Variants in KIAA1549L observed in about 807,000 individuals in gnomAD.
The protein encoded by KIAA1549L is KIAA1549 like.
A neutral mutation model predicts 160.7 loss-of-function variants in KIAA1549L; 88 were observed. The observed-to-expected ratio is 0.55, with a 90% confidence interval of 0.46 to 0.65. The LOEUF (loss-of-function observed/expected upper bound fraction) is 0.65. Among genes scored for constraint, KIAA1549L ranks in the 30% least tolerant of loss-of-function variants. The pLI is 0.00. For synonymous variants in KIAA1549L, 950 were observed against 976.7 expected (o/e 0.97, Z 0.51); for missense variants, 2,258 against 2,437.5 (o/e 0.93, Z 1.55).
intron 9 of KIAA1549L, among the ~76,000 whole-genome samples, chr11:33,573,947 T>C (rs1855358449): frequency 6.6e-6 from 1 of 152,184 alleles, no homozygotes; most frequent in African/African-American, 2.4e-5. Flanking sequence ...AAATAAACGT[T>C]TATGCTTTTG....
chr11:33,570,647 G>A (rs1855223042), intron 9 of KIAA1549L, among the ~76,000 whole-genome samples: 2 of 152,084 alleles, frequency 1.3e-5, no homozygotes, highest in Admixed American at 1.3e-4. Context: ...CTTTCTTCTA[G>A]GCTTAGATCA....
At chr11:33,418,885 C>CTTTT (rs60307209) in intron 1 of KIAA1549L, among the ~76,000 whole-genome samples, 3 of 139,598 alleles carry the variant, frequency 2.1e-5, no homozygotes, top group South Asian at 2.3e-4. Flanking sequence ...GCATTCCTAG[C>CTTTT]TTTTTTTTTT....
chr11:33,576,526 C>T (rs1855452508), intron 10 of KIAA1549L, among the ~76,000 whole-genome samples: 1 of 152,178 alleles, frequency 6.6e-6, no homozygotes, highest in Non-Finnish European at 1.5e-5. Flanking sequence ...TTTCTGTTCT[C>T]AGCTCTTTCT....
intron 11 of KIAA1549L, among the ~76,000 whole-genome samples, chr11:33,586,939 C>T (rs908855142): frequency 1.3e-5 from 2 of 152,142 alleles, no homozygotes; most frequent in Non-Finnish European, 2.9e-5. Context: ...TGAAACTGAG[C>T]CCCTTGAGGG....
intron 1 of KIAA1549L, among the ~76,000 whole-genome samples, chr11:33,389,611 G>A (rs968788054): frequency 1.5e-4 from 23 of 152,198 alleles, no homozygotes; most frequent in African/African-American, 4.6e-4. Flanking sequence ...TACGGAAACT[G>A]AACCTTTTTT....
At chr11:33,580,071 C>T (rs557044940) in intron 10 of KIAA1549L, among the ~76,000 whole-genome samples, 5 of 152,244 alleles carry the variant, frequency 3.3e-5, no homozygotes, top group African/African-American at 9.6e-5. Flanking sequence ...ATGCAGTGCC[C>T]ACGTGACTCA....
At position 33,547,774 on chromosome 11, in the gene KIAA1549L, C is replaced by T; in HGVS notation, c.3396C>T (p.Leu1132=). The T allele has an allele frequency of 6.2e-7, 1 of 1,610,364 alleles. No individual in the cohort carries two copies. The highest frequency in any genetic ancestry group is 1.1e-5 in the South Asian group (1 of 90,690). Residue 1132 remains leucine (L), a synonymous_variant, in exon 4 of 21, where the codon CTC becomes CTT. Transcript: ENST00000658780. The part of the protein sequence containing the change: ...SKLLVKTVLF[L]TQRRVQISES... Reference sequence around the variant, plus strand: ...TATTTTACCCCACAGTTCTCTTTCTCACCCAAAGGAGAGTGCAGATCAGTG... The same window carrying T: ...TATTTTACCCCACAGTTCTCTTTCTTACCCAAAGGAGAGTGCAGATCAGTG...
intron 1 of KIAA1549L, among the ~76,000 whole-genome samples, chr11:33,510,486 CAGGACA>C (rs1372203510): frequency 3.2e-4 from 48 of 152,208 alleles, no homozygotes; most frequent in African/African-American, 1.1e-3. Flanking sequence ...TGTGCATGGC[CAGGACA>C]AGGTTTGTTT....
intron 1 of KIAA1549L, among the ~76,000 whole-genome samples, chr11:33,392,706 G>A (rs751584721): frequency 8.6e-5 from 13 of 152,028 alleles, no homozygotes; most frequent in East Asian, 3.9e-4. Context: ...TTTATATCAC[G>A]CAGTTAAAAA....
chr11:33,413,045 T>A (rs1204605694), intron 1 of KIAA1549L, among the ~76,000 whole-genome samples: 1 of 152,104 alleles, frequency 6.6e-6, no homozygotes, highest in Non-Finnish European at 1.5e-5. Flanking sequence ...GAATAAAATT[T>A]TCCAAAGCCA....
chr11:33,426,916 C>A (rs975886963), intron 1 of KIAA1549L, among the ~76,000 whole-genome samples: 1 of 152,028 alleles, frequency 6.6e-6, no homozygotes, highest in African/African-American at 2.4e-5. Flanking sequence ...TTTCCTACCC[C>A]CTATTATCTG....
At chr11:33,517,584 A>G (rs1354843813) in intron 1 of KIAA1549L, among the ~76,000 whole-genome samples, 1 of 152,206 alleles carries the variant, frequency 6.6e-6, no homozygotes, top group Non-Finnish European at 1.5e-5. Context: ...AGACTGAATT[A>G]AACTCCTTTA....
chr11:33,637,207 G>T (rs529136624), intron 16 of KIAA1549L, among the ~76,000 whole-genome samples: 1 of 152,132 alleles, frequency 6.6e-6, no homozygotes, highest in Admixed American at 6.5e-5. Flanking sequence ...CATCTAATCT[G>T]TCAGCAGCTC....
intron 20 of KIAA1549L, 133 bp downstream of exon 20, chr11:33,661,147 C>A: frequency 1.1e-6 from 1 of 919,418 alleles, no homozygotes; most frequent in Non-Finnish European, 1.6e-6. Context: ...CTAAAGTCAG[C>A]CATTTTAAAG....
intron 13 of KIAA1549L, among the ~76,000 whole-genome samples, 179 bp from the exon 14 acceptor site, chr11:33,606,462 C>A (rs1850503466): frequency 6.6e-6 from 1 of 152,130 alleles, no homozygotes; most frequent in Non-Finnish European, 1.5e-5. Context: ...TCATACAGAT[C>A]TTAAATTTAA....
intron 1 of KIAA1549L, among the ~76,000 whole-genome samples, chr11:33,380,180 G>T (rs1336490636): frequency 6.6e-6 from 1 of 152,164 alleles, no homozygotes; most frequent in Non-Finnish European, 1.5e-5. Context: ...CGGCTGAAGG[G>T]CTCTGAGCGG....
At chr11:33,383,736 G>A (rs1850118892) in intron 1 of KIAA1549L, among the ~76,000 whole-genome samples, 1 of 152,156 alleles carries the variant, frequency 6.6e-6, no homozygotes, top group South Asian at 2.1e-4. Flanking sequence ...TGGGGGATGT[G>A]GCAGGACAGC....
In KIAA1549L at chr11:33,551,024, T is replaced by C; in HGVS notation, c.3502-16T>C. On this transcript the variant is annotated splice_polypyrimidine_tract_variant and intron_variant, in intron 4 of 20. Transcript: ENST00000658780. ...GGAAATAAACAATGGGTTTTGTGGG[T>C]CCATTTGTTTTGTAGGTGGACATTC... is the stretch of plus-strand genomic sequence containing the variant. 1 of 1,599,330 alleles carries C rather than the reference T, an allele frequency of 6.3e-7. No homozygotes were observed. The highest frequency in any genetic ancestry group is 8.6e-7 in the Non-Finnish European group (1 of 1,166,450).
chr11:33,510,436 C>T (rs1225577035), intron 1 of KIAA1549L, among the ~76,000 whole-genome samples: 2 of 152,186 alleles, frequency 1.3e-5, no homozygotes, highest in Non-Finnish European at 2.9e-5. Flanking sequence ...ATCCACTCGT[C>T]TCGGCCTCCC....
Sources: allele counts gnomAD v4.1 joint callset (sites outside exome capture counted in the v4.1 genomes callset), GRCh38; gene constraint gnomAD v4.1.1; transcripts MANE v1.5; gene names NCBI Gene and HGNC (gene_info 2026-07-23, HGNC 2026-07-21).